Variants in DNM3 observed in about 807,000 individuals in gnomAD.
DNM3 encodes the protein dynamin-3.
In DNM3, 47 loss-of-function variants were observed where a neutral mutation model predicts 101.6. That is an observed-to-expected ratio of 0.46 (90% CI 0.37 to 0.59). The LOEUF is 0.59. Ranked by LOEUF, DNM3 falls within the 20% of genes least tolerant of loss-of-function variation. The pLI, the probability that DNM3 is intolerant of heterozygous loss-of-function variation, is 0.00. For synonymous variants in DNM3, 385 were observed against 387.9 expected (o/e 0.99, Z 0.09); for missense variants, 849 against 1,085.7 (o/e 0.78, Z 3.06).
intron 17 of DNM3, among the ~76,000 whole-genome samples, chr1:172,350,024 G>A (rs1211006935): frequency 6.6e-6 from 1 of 152,130 alleles, no homozygotes; most frequent in Non-Finnish European, 1.5e-5. Context: ...GCTGTGCTAT[G>A]TGTGCCCACA....
At chr1:172,343,241 G>A (rs980319757) in intron 17 of DNM3, among the ~76,000 whole-genome samples, 7 of 152,130 alleles carry the variant, frequency 4.6e-5, no homozygotes, top group Non-Finnish European at 8.8e-5. Context: ...AGCAAGCAGG[G>A]CTTTCTTTAA....
chr1:171,982,130 A>G (rs2044846657), intron 2 of DNM3, among the ~76,000 whole-genome samples: 1 of 152,218 alleles, frequency 6.6e-6, no homozygotes. Context: ...TCTCAAAACT[A>G]TAAGATGAGA....
In DNM3 at chr1:172,068,882, C is replaced by T. The variant is rs773602277; in HGVS notation, c.1399C>T (p.Arg467Ter). ...ERIVANHIREREGKTKDQVLL... is the reference protein window; with the variant it reads ...ERIVANHIRE Reference sequence around the variant, plus strand: ...GATTGTTGCTAACCACATTCGTGAGCGAGAAGGGAAGACAAAGGACCAGGT... The same window carrying T: ...GATTGTTGCTAACCACATTCGTGAGTGAGAAGGGAAGACAAAGGACCAGGT... The change falls in exon 11 of 21, where the codon CGA (arginine) becomes TGA (stop). Residue 467 changes from arginine to a stop codon, truncating the protein, a stop_gained. Transcript: ENST00000627582. LOFTEE classifies it high-confidence loss of function. 2.6e-6 allele frequency: 4 copies of T among 1,567,350 alleles called. No homozygotes were observed. Among genetic ancestry groups the T allele is most frequent in the Non-Finnish European group, 3.5e-6 (4 of 1,155,506 alleles).
At chr1:172,033,893 C>T (rs1468291050) in intron 6 of DNM3, among the ~76,000 whole-genome samples, 2 of 152,114 alleles carry the variant, frequency 1.3e-5, no homozygotes, top group Non-Finnish European at 2.9e-5. Flanking sequence ...ATATTCCTTC[C>T]CCTATTGGAG....
chr1:172,044,543 T>C (rs1443881450), intron 9 of DNM3, 91 bp downstream of exon 9: 8 of 1,068,282 alleles, frequency 7.5e-6, no homozygotes, highest in Admixed American at 2.2e-5. Context: ...CTTTTCATCA[T>C]TGAATAGGGT....
chr1:172,389,827 C>T (rs559851327), intron 20 of DNM3, among the ~76,000 whole-genome samples: 6 of 152,152 alleles, frequency 3.9e-5, no homozygotes, highest in South Asian at 2.1e-4. Flanking sequence ...AGTTGTTAAG[C>T]GTAATGAAGA....
chr1:172,026,779 A>G (rs1010345347), intron 4 of DNM3, among the ~76,000 whole-genome samples: 3 of 151,558 alleles, frequency 2.0e-5, no homozygotes, highest in Admixed American at 6.6e-5. Context: ...TCAGCCTCCC[A>G]AGTAGCTGGG....
In DNM3 at chr1:171,865,154, T is replaced by C. The variant is rs116409009; in HGVS notation, c.161+23337T>C. Among the ~76,000 whole-genome samples, 1,026 of 152,328 alleles carry C rather than the reference T, an allele frequency of 6.7e-3. 3 individuals carry two copies. The highest frequency in any genetic ancestry group is 0.01 in the Non-Finnish European group (714 of 68,022). ...CTACAAACTATATTCATTTATTTAT[T>C]CATTCTTTTCTATAACTATTTATGG... is the stretch of plus-strand genomic sequence containing the variant. On this transcript the variant is annotated intron_variant, in intron 1 of 20. Coordinates refer to ENST00000627582, the MANE Select transcript of DNM3 (RefSeq NM_015569.5).
chr1:172,175,432 T>A (rs901026368), intron 14 of DNM3, among the ~76,000 whole-genome samples: 2 of 151,754 alleles, frequency 1.3e-5, no homozygotes, highest in Non-Finnish European at 2.9e-5. Context: ...TTACTATAGT[T>A]GTAGATTGTG....
rs1167033154 is a variant in DNM3, at chr1:172,407,943, CAG to C, written c.*103_*104del. On this transcript the variant is annotated 3_prime_UTR_variant, in exon 21 of 21. Transcript: ENST00000627582. ...CATGAGTAGTCGCATGTGTGGACAT[CAG>C]TAGGCAAGTAACCAGTTTTACTAAT... 53 of 1,590,642 alleles carry C rather than the reference CAG, an allele frequency of 3.3e-5. No individual in the cohort carries two copies. The African/African-American group carries it at 6.4e-4, about 19-fold the overall frequency.
intron 17 of DNM3, among the ~76,000 whole-genome samples, chr1:172,331,756 A>G (rs2066194686): frequency 6.6e-6 from 1 of 152,232 alleles, no homozygotes; most frequent in African/African-American, 2.4e-5. Context: ...ATTGAAGAGA[A>G]CATTTTGAAT....
At chr1:172,215,395 A>G (rs903872105) in intron 14 of DNM3, among the ~76,000 whole-genome samples, 1 of 152,136 alleles carries the variant, frequency 6.6e-6, no homozygotes, top group Non-Finnish European at 1.5e-5. Flanking sequence ...ATGGGCATCA[A>G]ATAAGGTATG....
chr1:172,163,035 A>G (rs1363337778), intron 14 of DNM3, among the ~76,000 whole-genome samples: 2 of 152,098 alleles, frequency 1.3e-5, no homozygotes, highest in Admixed American at 1.3e-4. Context: ...TTACTGAAGT[A>G]TACTTGACAA....
intron 10 of DNM3, among the ~76,000 whole-genome samples, chr1:172,062,598 C>CA (rs1471084747): frequency 1.3e-5 from 2 of 152,170 alleles, no homozygotes; most frequent in African/African-American, 4.8e-5. Context: ...GGTGGGCTAA[C>CA]ACTAGCCCAC....
In DNM3 at chr1:172,308,882, T is replaced by G. The variant is rs773392290; in HGVS notation, c.1881+43T>G. The stretch of plus-strand genomic sequence containing the variant: ...CTTATGTAAAAATTATTATTAGCTA[T>G]GCTTAAGAAAATATTAATCCTACAT... On this transcript the variant is annotated intron_variant, in intron 16 of 20. Transcript: ENST00000627582. 8.4e-6 allele frequency: 10 copies of G among 1,191,152 alleles called. No individual in the cohort carries two copies. In the South Asian group the frequency reaches 1.3e-4, roughly 16 times the overall value. 73.8% of individuals were successfully genotyped at this position (1,191,152 alleles called of 1,614,324 possible).
chr1:172,084,011 T>C (rs1356812786), intron 12 of DNM3, among the ~76,000 whole-genome samples: 1 of 152,176 alleles, frequency 6.6e-6, no homozygotes, highest in Non-Finnish European at 1.5e-5. Flanking sequence ...CCAGCAACTC[T>C]ACACATTTCT....
intron 13 of DNM3, among the ~76,000 whole-genome samples, chr1:172,108,171 T>A (rs1471711498): frequency 2.0e-5 from 3 of 152,236 alleles, no homozygotes; most frequent in Non-Finnish European, 4.4e-5. Flanking sequence ...TTACTTTTTT[T>A]TCCTCCTCAG....
At chr1:171,960,913 C>A (rs548846095) in intron 2 of DNM3, among the ~76,000 whole-genome samples, 1 of 150,250 alleles carries the variant, frequency 6.7e-6, no homozygotes, top group African/African-American at 2.5e-5. Context: ...GAGATAAGTT[C>A]TTCTGCTGAG....
intron 15 of DNM3, among the ~76,000 whole-genome samples, chr1:172,275,825 A>C (rs543008491): frequency 6.6e-6 from 1 of 152,252 alleles, no homozygotes; most frequent in South Asian, 2.1e-4. Flanking sequence ...TTCTCCTTGA[A>C]GAGTATTTCC....
Sources: allele counts gnomAD v4.1 joint callset (sites outside exome capture counted in the v4.1 genomes callset), GRCh38; gene constraint gnomAD v4.1.1; transcripts MANE v1.5; gene names NCBI Gene and HGNC (gene_info 2026-07-23, HGNC 2026-07-21).